Variants in LINGO2 observed in about 807,000 individuals in gnomAD.
LINGO2 encodes leucine rich repeat and Ig domain containing 2.
A neutral mutation model predicts 30.6 loss-of-function variants in LINGO2; 14 were observed. The observed-to-expected ratio is 0.46, with a 90% CI of 0.30 to 0.72. The LOEUF (loss-of-function observed/expected upper bound fraction) is 0.72. LINGO2 is among the 30% of genes least tolerant of loss of function. The probability of loss-of-function intolerance (pLI) is 0.07; values close to 1 mark genes in which losing one functional copy is unlikely to be tolerated. For missense variants in LINGO2, 729 were observed against 751.7 expected (o/e 0.97, Z 0.35); for synonymous variants, 317 against 288.5 (o/e 1.10, Z -1.00).
chr9:28,191,130 A>G lies in LINGO2; in HGVS notation c.-87+104078T>C, dbSNP rs1163487624. ...CATATTTTCCTAGAGAGAATTTAAG[A>G]GAAAGCATGAGAAAGGTCCCATGGT... On this transcript the variant is annotated intron_variant, in intron 4 of 5. Coordinates refer to ENST00000379992, the Ensembl canonical transcript of LINGO2. 2.0e-5 allele frequency among the ~76,000 whole-genome samples: 3 copies of G among 152,238 alleles called. No individual in the cohort carries two copies. In the East Asian group the frequency reaches 5.8e-4, roughly 29 times the overall value.
In LINGO2 at chr9:28,451,935, TA is replaced by T. The variant is rs1824663075; in HGVS notation, c.-279+24004del. On this transcript the variant is annotated intron_variant, in intron 2 of 5. Transcript: ENST00000379992. ...AAAAATGTAAAATTTTAGTGTATAT[TA>T]TTTTTAAAGCTTCTTGACCATTAAA... Among the ~76,000 whole-genome samples, 4 of 151,746 alleles carry T rather than the reference TA, an allele frequency of 2.6e-5. No homozygotes were observed. In the South Asian group the frequency reaches 6.2e-4, roughly 24 times the overall value.
At chr9:28,746,600 G>A in the LINGO2 span, among the ~76,000 whole-genome samples, 101 of 151,890 alleles carry the variant, frequency 6.6e-4, 1 homozygote, top group Admixed American at 3.3e-4. Context: ...ATATAATTGA[G>A]GTTCATTATT....
At chr9:28,465,846 G>C (rs1825278889) in intron 2 of LINGO2, among the ~76,000 whole-genome samples, 1 of 151,998 alleles carries the variant, frequency 6.6e-6, no homozygotes, top group African/African-American at 2.4e-5. Flanking sequence ...TGGCAAACAG[G>C]CATATGAAAA....
chr9:28,786,460 A>G, the LINGO2 span, among the ~76,000 whole-genome samples: 1 of 152,168 alleles, frequency 6.6e-6, no homozygotes, highest in East Asian at 1.9e-4. Flanking sequence ...TGAGTTGAGT[A>G]AATGTTCCAT....
At chr9:27,948,944 G>A in exon 6 of LINGO2, 1 of 1,614,034 alleles carries the variant, frequency 6.2e-7, no homozygotes, top group Non-Finnish European at 8.5e-7. Flanking sequence ...CAAGGTCAAT[G>A]CTGTTTTTGT....
At chr9:28,932,788 T>A in the LINGO2 span, among the ~76,000 whole-genome samples, 1 of 152,254 alleles carries the variant, frequency 6.6e-6, no homozygotes, top group African/African-American at 2.4e-5. Flanking sequence ...TTCTCAAATT[T>A]CTTAGTTACT....
chr9:28,190,168 T>G (rs570204633), intron 4 of LINGO2, among the ~76,000 whole-genome samples: 43 of 152,138 alleles, frequency 2.8e-4, no homozygotes, highest in Non-Finnish European at 5.1e-4. Context: ...GGCTGTCTTG[T>G]CCATACCTTC....
At chr9:28,752,275 G>C in the LINGO2 span, among the ~76,000 whole-genome samples, 5 of 152,044 alleles carry the variant, frequency 3.3e-5, no homozygotes, top group East Asian at 9.7e-4. Context: ...CTTTCTTGGT[G>C]ATTTTGCCAA....
intron 4 of LINGO2, among the ~76,000 whole-genome samples, chr9:28,036,326 A>G (rs570515166): frequency 6.6e-6 from 1 of 152,330 alleles, no homozygotes; most frequent in Non-Finnish European, 1.5e-5. Flanking sequence ...GAAAGGATAC[A>G]TGAGCACTGC....
chr9:27,961,783 G>T (rs1325877975), intron 5 of LINGO2, among the ~76,000 whole-genome samples: 1 of 152,148 alleles, frequency 6.6e-6, no homozygotes, highest in Non-Finnish European at 1.5e-5. Flanking sequence ...AGGGTCATGG[G>T]TGTAGGCTTG....
chr9:28,970,951 A>T, the LINGO2 span, among the ~76,000 whole-genome samples: 1 of 152,150 alleles, frequency 6.6e-6, no homozygotes, highest in Non-Finnish European at 1.5e-5. Context: ...CAGGTTGTGC[A>T]GCTTGCAGCT....
chr9:29,139,990 C>T, the LINGO2 span, among the ~76,000 whole-genome samples: 4 of 152,004 alleles, frequency 2.6e-5, no homozygotes, highest in Admixed American at 2.6e-4. Flanking sequence ...TGGCAAAAAT[C>T]TCTATTGAAA....
chr9:28,186,027 G>T (rs939085927), intron 4 of LINGO2, among the ~76,000 whole-genome samples: 1 of 151,930 alleles, frequency 6.6e-6, no homozygotes, highest in African/African-American at 2.4e-5. Flanking sequence ...CAATCATTTG[G>T]GACATGTCCT....
intron 3 of LINGO2, among the ~76,000 whole-genome samples, chr9:28,355,992 T>C (rs899204691): frequency 6.6e-6 from 1 of 152,284 alleles, no homozygotes; most frequent in East Asian, 1.9e-4. Context: ...GATGTTACAA[T>C]GACACTTACA....
intron 1 of LINGO2, among the ~76,000 whole-genome samples, chr9:28,652,835 AT>A (rs1828166944): frequency 6.6e-6 from 1 of 152,110 alleles, no homozygotes; most frequent in Non-Finnish European, 1.5e-5. Context: ...TAAAATCCTT[AT>A]TAAACAACCA....
chr9:28,801,483 A>G, the LINGO2 span, among the ~76,000 whole-genome samples: 12 of 152,086 alleles, frequency 7.9e-5, no homozygotes, highest in African/African-American at 2.9e-4. Flanking sequence ...TGACTTAGGG[A>G]TGCAAAAATG....
the LINGO2 span, among the ~76,000 whole-genome samples, chr9:29,027,130 GTTA>G: frequency 6.6e-6 from 1 of 151,986 alleles, no homozygotes; most frequent in Non-Finnish European, 1.5e-5. Flanking sequence ...AAAAAATATA[GTTA>G]TTATAACAAC....
the LINGO2 span, among the ~76,000 whole-genome samples, chr9:28,874,534 T>C: frequency 6.6e-6 from 1 of 152,038 alleles, no homozygotes. Flanking sequence ...TATAACAAAA[T>C]CATATATTTT....
chr9:28,671,443 C>T (rs1588052498), upstream of LINGO2, among the ~76,000 whole-genome samples: 1 of 145,206 alleles, frequency 6.9e-6, no homozygotes, highest in African/African-American at 2.5e-5. Context: ...AAATTCTATG[C>T]AGCCATAAAA....
Sources: gnomAD v4.1 joint callset for allele counts (sites outside exome capture counted in the v4.1 genomes callset) on GRCh38, gnomAD v4.1.1 for gene constraint, MANE v1.5 for transcripts, NCBI Gene and HGNC (gene_info 2026-07-23, HGNC 2026-07-21) for gene names.